Variants in GLRX observed in about 807,000 individuals in gnomAD.
GLRX encodes the protein glutaredoxin-1.
GLRX carries 9 observed loss-of-function variants against 11.1 expected under a neutral mutation model. The observed-to-expected ratio is 0.81, with a 90% CI of 0.49 to 1.42. The LOEUF is 1.42. Ranked by LOEUF, GLRX falls within the 40% of genes most tolerant of loss-of-function variation. The pLI is 0.00. For synonymous variants in GLRX, 49 were observed against 49.5 expected (o/e 0.99, Z 0.04); for missense variants, 102 against 126.2 (o/e 0.81, Z 0.92).
intron 1 of GLRX, 132 bp downstream of exon 1, chr5:95,822,324 C>A: frequency 1.6e-6 from 1 of 636,404 alleles, no homozygotes; most frequent in East Asian, 3.1e-5. Flanking sequence ...CCCTCCCCCA[C>A]ACCCCCCGCC....
At chr5:95,814,517 A>T (rs1746910722) in intron 2 of GLRX, 128 bp from the exon 3 acceptor site, 2 of 152,686 alleles carry the variant, frequency 1.3e-5, no homozygotes, top group Non-Finnish European at 2.9e-5. Context: ...CACTGATTTC[A>T]TAATACAAAC....
intron 1 of GLRX, 146 bp from the exon 2 acceptor site, chr5:95,816,772 C>G (rs1443087852): frequency 3.4e-6 from 2 of 582,600 alleles, no homozygotes; most frequent in Non-Finnish European, 6.2e-6. Flanking sequence ...ACAGGACTTC[C>G]TTTCTGTTAT....
chr5:95,816,983 T>A (rs879495068), intron 1 of GLRX: 3 of 179,922 alleles, frequency 1.7e-5, no homozygotes, highest in Non-Finnish European at 3.6e-5. Context: ...GGACCACACC[T>A]AAGATTGTAA....
chr5:95,820,042 A>G lies in GLRX; in HGVS notation c.207+2414T>C, dbSNP rs1580448038. Among the ~76,000 whole-genome samples, 3 of 152,230 alleles carry G rather than the reference A, an allele frequency of 2.0e-5. No homozygotes were observed. The South Asian group carries it at 6.2e-4, about 32-fold the overall frequency. ...TGCACTCAGAATTCAAGAATCTGTG[A>G]AAAACATTTTTCTAAAAATGAAAAA... is the stretch of plus-strand genomic sequence containing the variant. On this transcript the variant is annotated intron_variant, in intron 1 of 2. Coordinates refer to ENST00000237858, the MANE Select transcript of GLRX (RefSeq NM_001118890.2).
intron 1 of GLRX, chr5:95,817,518 C>T (rs1248897129): frequency 6.6e-6 from 1 of 152,314 alleles, no homozygotes; most frequent in African/African-American, 2.4e-5. Context: ...TAACTCACCC[C>T]GGATGAGGGT....
At chr5:95,818,510 G>A (rs1747093425) in intron 1 of GLRX, 1 of 152,078 alleles carries the variant, frequency 6.6e-6, no homozygotes, top group Non-Finnish European at 1.5e-5. Context: ...CCTGCACTAG[G>A]TTTCCCCAGC....
Position 95,822,523 on chromosome 5 carries a change from T to C in GLRX, c.140A>G (p.Asp47Gly), listed in dbSNP as rs1290251195. Reference protein sequence around the residue: ...PIKQGLLEFVDITATNHTNEI... With the variant: ...PIKQGLLEFVGITATNHTNEI... ...GTTAGTGTGGTTGGTGGCTGTGATA[T>C]CGACAAATTCCAGAAGCCCTTGTTT... The change falls in exon 1 of 3, where the codon GAT becomes GGT. Residue 47 changes from aspartate (D) to glycine (G), a missense_variant. By Grantham distance (94) the Asp-to-Gly change is moderately conservative. Transcript: ENST00000237858. 4 of 1,613,860 alleles carry C rather than the reference T, an allele frequency of 2.5e-6. No homozygotes were observed. The highest frequency in any genetic ancestry group is 2.7e-5 in the African/African-American group (2 of 74,914).
chr5:95,816,706 C>T (rs757415815), intron 1 of GLRX, 80 bp from the exon 2 acceptor site: 10 of 796,126 alleles, frequency 1.3e-5, no homozygotes, highest in South Asian at 2.8e-5. Flanking sequence ...AAATATTTCC[C>T]GTGATTCCAA....
intron 1 of GLRX, chr5:95,817,650 C>T (rs1196247272): frequency 1.3e-5 from 2 of 152,228 alleles, no homozygotes; most frequent in African/African-American, 4.8e-5. Context: ...TTTAGAATCG[C>T]GAGGGAGGAG....
intron 1 of GLRX, among the ~76,000 whole-genome samples, chr5:95,819,897 CAAAAAAAAAA>C (rs35347478): frequency 6.3e-4 from 34 of 54,180 alleles, no homozygotes; most frequent in African/African-American, 2.7e-3. Flanking sequence ...GACTCCGTCT[CAAAAAAAAAA>C]AAAAAAAAAA....
intron 1 of GLRX, among the ~76,000 whole-genome samples, chr5:95,821,608 A>G (rs899435540): frequency 5.3e-5 from 8 of 152,218 alleles, no homozygotes; most frequent in Admixed American, 1.3e-4. Context: ...AACTTAGCTG[A>G]GCTGGTGGGA....
At chr5:95,814,414 C>G (rs1046530421) in intron 2 of GLRX, 25 bp from the exon 3 acceptor site, 1 of 152,686 alleles carries the variant, frequency 6.5e-6, no homozygotes, top group Non-Finnish European at 1.5e-5. Flanking sequence ...GTGGAGAACA[C>G]TGGTTCAGAG....
Position 95,814,353 on chromosome 5 carries a change from G to C in GLRX, c.*43C>G, listed in dbSNP as rs1490638498. 1 of 152,644 alleles carries C rather than the reference G, an allele frequency of 6.6e-6. No homozygotes were observed. The highest frequency in any genetic ancestry group is 1.5e-5 in the Non-Finnish European group (1 of 68,050). The allele number at this position is 152,644 out of a possible 1,614,324, so 9.5% of individuals were successfully genotyped here. The stretch of plus-strand genomic sequence containing the variant: ...TATGATTTCTCCAATTGGGTCCTGT[G>C]ACCTTTCACAGAATTGTTGAACATT... On this transcript the variant is annotated 3_prime_UTR_variant, in exon 3 of 3. Transcript: ENST00000237858.
chr5:95,816,688 C>T, intron 1 of GLRX, 62 bp from the exon 2 acceptor site: 2 of 860,736 alleles, frequency 2.3e-6, no homozygotes, highest in Admixed American at 1.8e-5. Flanking sequence ...CATTTCTATC[C>T]TACCACTAAA....
At chr5:95,818,423 TGA>T (rs899598623) in intron 1 of GLRX, 1 of 152,228 alleles carries the variant, frequency 6.6e-6, no homozygotes. Flanking sequence ...TAGAGGAACT[TGA>T]GAGTCCGCTA....
chr5:95,822,383 TA>T, intron 1 of GLRX, 72 bp downstream of exon 1: 1 of 1,060,142 alleles, frequency 9.4e-7, no homozygotes, highest in Non-Finnish European at 1.4e-6. Flanking sequence ...AGCCTTATCC[TA>T]AAGAAAGGCA....
Position 95,819,910 on chromosome 5 carries a change from A to C in GLRX, c.207+2546T>G, listed in dbSNP as rs1054742560. On this transcript the variant is annotated intron_variant, in intron 1 of 2. Transcript: ENST00000237858. ...GAGACTCCGTCTCAAAAAAAAAAAA[A>C]AAAAAAAAAAAACCCTCGGGAGCTT... Among the ~76,000 whole-genome samples the C allele has an allele frequency of 1.5e-3, 229 of 148,022 alleles. 1 individual carries two copies. The highest frequency in any genetic ancestry group is 5.8e-3 in the African/African-American group (220 of 38,156).
In GLRX at chr5:95,814,262, G is replaced by C. The variant is rs8750; in HGVS notation, c.*134C>G. 6.6e-6 allele frequency: 1 copy of C among 152,474 alleles called. No homozygotes were observed. Among genetic ancestry groups the C allele is most frequent in the East Asian group, 1.9e-4 (1 of 5,190 alleles). The allele number at this position is 152,474 out of a possible 1,614,324, so 9.4% of individuals were successfully genotyped here. A position where few individuals can be genotyped will look rare whatever the true frequency, so the allele number is the denominator to read the frequency against. ...GCCATCTTAAATAACAGAGTGTTCC[G>C]CATGACCACAGCCTCTGCACTTGTG... is the stretch of plus-strand genomic sequence containing the variant. On this transcript the variant is annotated 3_prime_UTR_variant, in exon 3 of 3. Transcript: ENST00000237858.
At chr5:95,816,904 TTTCAGAA>T (rs1315197451) in intron 1 of GLRX, 9 of 260,008 alleles carry the variant, frequency 3.5e-5, no homozygotes, top group Non-Finnish European at 6.1e-5. Context: ...CAGAAACATG[TTTCAGAA>T]GGAGAATTCT....
Sources: gnomAD v4.1 joint callset for allele counts (sites outside exome capture counted in the v4.1 genomes callset) on GRCh38, gnomAD v4.1.1 for gene constraint, MANE v1.5 for transcripts, NCBI Gene and HGNC (gene_info 2026-07-23, HGNC 2026-07-21) for gene names.